PDE10A: variants seen among roughly 807,000 people sequenced by gnomAD.
PDE10A encodes cAMP and cAMP-inhibited cGMP 3',5'-cyclic phosphodiesterase 10A.
In PDE10A, 39 loss-of-function variants were observed where a neutral mutation model predicts 97.7. The observed-to-expected ratio is 0.40, with a 90% confidence interval of 0.31 to 0.52. The LOEUF is 0.52. Among genes scored for constraint, PDE10A ranks in the 20% least tolerant of loss-of-function variants. PDE10A has a pLI of 0.56. For missense variants in PDE10A, 731 were observed against 1,047.8 expected (o/e 0.70, Z 4.17); for synonymous variants, 371 against 376.8 (o/e 0.98, Z 0.18).
chr6:165,918,431 G>C (rs1782666052), intron 1 of PDE10A, among the ~76,000 whole-genome samples: 1 of 152,176 alleles, frequency 6.6e-6, no homozygotes, highest in African/African-American at 2.4e-5. Context: ...ATATTGAATT[G>C]AGATTTAATG....
intron 1 of PDE10A, among the ~76,000 whole-genome samples, chr6:165,626,513 G>C (rs1387051676): frequency 1.3e-5 from 2 of 152,188 alleles, no homozygotes; most frequent in Non-Finnish European, 2.9e-5. Context: ...CTAACAAAGA[G>C]AGAAGATGTT....
At chr6:165,778,421 AT>A (rs1408384254) in intron 1 of PDE10A, among the ~76,000 whole-genome samples, 1 of 152,152 alleles carries the variant, frequency 6.6e-6, no homozygotes, top group East Asian at 1.9e-4. Context: ...TCCATGCTCT[AT>A]AGTATGTAGG....
chr6:165,792,124 G>C (rs1165981606), intron 1 of PDE10A, among the ~76,000 whole-genome samples: 1 of 152,146 alleles, frequency 6.6e-6, no homozygotes, highest in African/African-American at 2.4e-5. Context: ...TCATGCACCC[G>C]CATTCCCACA....
intron 1 of PDE10A, among the ~76,000 whole-genome samples, chr6:165,684,932 C>T (rs750814289): frequency 2.2e-4 from 34 of 152,254 alleles, no homozygotes; most frequent in Non-Finnish European, 2.4e-4. Flanking sequence ...AGTGAGACGT[C>T]GACTTGACTT....
chr6:165,582,388 T>C (rs556923931), intron 1 of PDE10A, among the ~76,000 whole-genome samples: 52 of 152,298 alleles, frequency 3.4e-4, no homozygotes, highest in African/African-American at 1.2e-3. Context: ...AGCAAATCAT[T>C]ACAAGCATAT....
At chr6:165,896,097 C>T (rs185288942) in intron 1 of PDE10A, among the ~76,000 whole-genome samples, 211 of 152,278 alleles carry the variant, frequency 1.4e-3, no homozygotes, top group Non-Finnish European at 2.4e-3. Context: ...GAGAACAGGA[C>T]GGGAAGGAAC....
intron 1 of PDE10A, among the ~76,000 whole-genome samples, chr6:165,606,048 G>A (rs561777164): frequency 3.9e-5 from 6 of 151,902 alleles, no homozygotes; most frequent in East Asian, 3.9e-4. Context: ...CAGCAGGTGC[G>A]TGGGGATGTT....
intron 1 of PDE10A, among the ~76,000 whole-genome samples, chr6:165,659,514 A>C (rs1286281127): frequency 6.6e-6 from 1 of 152,108 alleles, no homozygotes; most frequent in African/African-American, 2.4e-5. Flanking sequence ...GAAATTGGCT[A>C]CTCTCTTTTA....
At chr6:165,896,574 G>T (rs994293735) in intron 1 of PDE10A, among the ~76,000 whole-genome samples, 2 of 147,538 alleles carry the variant, frequency 1.4e-5, no homozygotes, top group Non-Finnish European at 3.0e-5. Flanking sequence ...GCCCAGGCTG[G>T]AGTACAGTGG....
chr6:165,662,088 CGCCGCCGCCTGG>C lies in PDE10A; in HGVS notation c.712_723del (p.Pro238_Gly241del), dbSNP rs892038516. The stretch of plus-strand genomic sequence containing the variant: ...CCCTGGGGACGCCGCGGAGTTTGGC[CGCCGCCGCCTGG>C]GCCGGCGCCGGGGAAGCCGGGGGAG... On this transcript the variant is annotated inframe_deletion, in exon 1 of 22. Transcript: ENST00000539869. 2 of 1,235,270 alleles carry C rather than the reference CGCCGCCGCCTGG, an allele frequency of 1.6e-6. No individual in the cohort carries two copies. The highest frequency in any genetic ancestry group is 4.4e-5 in the East Asian group (1 of 22,552). 76.5% of individuals were successfully genotyped at this position (1,235,270 alleles called of 1,614,324 possible).
At chr6:165,359,132 T>A (rs1203478385) in intron 18 of PDE10A, among the ~76,000 whole-genome samples, 1 of 152,054 alleles carries the variant, frequency 6.6e-6, no homozygotes, top group Non-Finnish European at 1.5e-5. Flanking sequence ...CTTGAACCAC[T>A]CATTCATTTT....
At chr6:165,832,279 G>A (rs1324211034) in intron 1 of PDE10A, among the ~76,000 whole-genome samples, 1 of 152,014 alleles carries the variant, frequency 6.6e-6, no homozygotes, top group African/African-American at 2.4e-5. Context: ...GGAGAGGAAC[G>A]TTCTGGAGGA....
chr6:165,705,210 G>C (rs1349635372), intron 1 of PDE10A, among the ~76,000 whole-genome samples: 1 of 152,218 alleles, frequency 6.6e-6, no homozygotes, highest in African/African-American at 2.4e-5. Flanking sequence ...TCCTGAGACA[G>C]GTGAGGTTAA....
chr6:165,985,038 C>T (rs1380159381), intron 1 of PDE10A, among the ~76,000 whole-genome samples: 1 of 152,206 alleles, frequency 6.6e-6, no homozygotes, highest in Non-Finnish European at 1.5e-5. Flanking sequence ...GAGCCCAAGC[C>T]AGTCTCTCTG....
Position 165,897,664 on chromosome 6 carries a change from T to C in PDE10A, c.-615+89865A>G, listed in dbSNP as rs190451005. Among the ~76,000 whole-genome samples, 13 of 145,108 alleles carry C rather than the reference T, an allele frequency of 9.0e-5. No individual in the cohort carries two copies. The East Asian group carries it at 3.0e-3, about 34-fold the overall frequency. On this transcript the variant is annotated intron_variant, in intron 1 of 19. Coordinates refer to the PDE10A transcript ENST00000366882. Reference sequence around the variant, plus strand: ...CCCACCTCCAGGCTTCTTGCTTTGCTTCCTGCCCTGGAGTGACCTGTTCAT... The same window carrying C: ...CCCACCTCCAGGCTTCTTGCTTTGCCTCCTGCCCTGGAGTGACCTGTTCAT...
At chr6:165,342,227 G>C (rs9457075) in intron 19 of PDE10A, among the ~76,000 whole-genome samples, 11,806 of 151,864 alleles carry the variant, frequency 0.078, 534 homozygotes, top group Middle Eastern at 0.2. Flanking sequence ...TTTTGTCATA[G>C]ATCTCCAAAA....
At chr6:165,452,042 C>T (rs557715744) in intron 3 of PDE10A, among the ~76,000 whole-genome samples, 20 of 152,312 alleles carry the variant, frequency 1.3e-4, no homozygotes, top group East Asian at 1.9e-4. Flanking sequence ...AGACTAGTTT[C>T]GCAATCCCCT....
intron 1 of PDE10A, chr6:165,986,271 C>G (rs1785206454): frequency 6.5e-6 from 1 of 153,718 alleles, no homozygotes; most frequent in Non-Finnish European, 1.4e-5. Context: ...GCCCTCCCCC[C>G]TCGGAGAGGA....
intron 1 of PDE10A, among the ~76,000 whole-genome samples, chr6:165,834,560 A>G (rs1244853026): frequency 1.3e-5 from 2 of 152,174 alleles, no homozygotes; most frequent in Non-Finnish European, 2.9e-5. Context: ...GAAGGCACAG[A>G]TCTGGAATCC....
Sources: gnomAD v4.1 joint callset for allele counts (sites outside exome capture counted in the v4.1 genomes callset) on GRCh38, gnomAD v4.1.1 for gene constraint, MANE v1.5 for transcripts, NCBI Gene and HGNC (gene_info 2026-07-23, HGNC 2026-07-21) for gene names.